Variants in CFAP47 observed in about 807,000 individuals in gnomAD.
The protein encoded by CFAP47 is cilia and flagella associated protein 47.
CFAP47 carries 29 observed loss-of-function variants against 148.1 expected under a neutral mutation model. The observed-to-expected ratio is 0.20, with a 90% CI of 0.15 to 0.27. The LOEUF is 0.27. Among genes scored for constraint, CFAP47 ranks in the 10% least tolerant of loss-of-function variants. The pLI is 1.00. For synonymous variants in CFAP47, 664 were observed against 577.3 expected, an observed-to-expected ratio of 1.15 and a Z score of -2.15; for missense variants, 1,872 against 1,697.5, an observed-to-expected ratio of 1.10 and a Z score of -1.81.
At chrX:36,366,823 A>G in intron 61 of CFAP47, 143 bp from the exon 62 acceptor site, 3 of 321,746 alleles carry the variant, frequency 9.3e-6, no homozygotes, top group Middle Eastern at 7.5e-4. Context: ...AGTCATTTAC[A>G]TTATTTTTAA....
intron 22 of CFAP47, among the ~76,000 whole-genome samples, chrX:36,026,199 T>C (rs896242644): frequency 3.6e-5 from 4 of 111,988 alleles, no homozygotes; most frequent in African/African-American, 1.3e-4. Flanking sequence ...ATGTAGCATT[T>C]CTTCTTCAAG....
intron 62 of CFAP47, among the ~76,000 whole-genome samples, chrX:36,373,231 A>G (rs1422267841): frequency 1.8e-5 from 2 of 111,598 alleles, no homozygotes; most frequent in African/African-American, 6.5e-5. Flanking sequence ...TACAGTTTTC[A>G]GTGTATAAAT....
chrX:36,284,042 G>T (rs1556004075), intron 50 of CFAP47, among the ~76,000 whole-genome samples: 2 of 111,729 alleles, frequency 1.8e-5, no homozygotes, highest in African/African-American at 6.5e-5. Context: ...TACCTAGAAG[G>T]GAAAACACTT....
rs140921995 is a variant in CFAP47, at chrX:36,031,187, A to G, written c.3557-66A>G. 1,827 of 278,151 alleles carry G rather than the reference A, an allele frequency of 6.6e-3. 28 individuals are homozygous for G. The highest frequency in any genetic ancestry group is 0.046 in the African/African-American group (1,649 of 35,859). The allele number at this position is 278,151 out of a possible 1,213,427, so 22.9% of individuals were successfully genotyped here. On this transcript the variant is annotated intron_variant, in intron 22 of 63. Coordinates refer to ENST00000378653, the MANE Select transcript of CFAP47 (RefSeq NM_001304548.2). ...CTTATTGTTTAGTGTTTTAAAGTAT[A>G]CTAAAAAGTACCTATGGGCTTATAT...
intron 57 of CFAP47, among the ~76,000 whole-genome samples, chrX:36,321,126 C>T (rs1273421770): frequency 9.0e-6 from 1 of 111,461 alleles, no homozygotes; most frequent in Non-Finnish European, 1.9e-5. Context: ...TGGAAGTAAC[C>T]TAAGTGTCCA....
At chrX:36,375,622 T>C in intron 62 of CFAP47, among the ~76,000 whole-genome samples, 1 of 112,603 alleles carries the variant, frequency 8.9e-6, no homozygotes. Flanking sequence ...GTGCAGTATT[T>C]TGTTTCTTTG....
chrX:36,053,960 T>C (rs756392256), intron 26 of CFAP47, among the ~76,000 whole-genome samples: 1 of 112,683 alleles, frequency 8.9e-6, no homozygotes, highest in South Asian at 3.7e-4. Context: ...TCTAATATCC[T>C]TCTTTTTCTT....
At position 35,971,959 on chromosome X, in the gene CFAP47, A is replaced by G; in HGVS notation, c.2248A>G (p.Ile750Val). 3 of 1,147,107 alleles carry G rather than the reference A, an allele frequency of 2.6e-6. No individual in the cohort carries two copies. The highest frequency in any genetic ancestry group is 3.6e-6 in the Non-Finnish European group (3 of 844,233). 94.5% of individuals were successfully genotyped at this position (1,147,107 alleles called of 1,213,427 possible). The change falls in exon 13 of 64, where the codon ATT becomes GTT. Residue 750 changes from isoleucine (I) to valine (V), a missense_variant. Coordinates refer to ENST00000378653, the MANE Select transcript of CFAP47 (RefSeq NM_001304548.2). ...MLTPKQIHQV[I>V]VGPSVLNFGN... ...GACACCAAAGCAAATTCATCAAGTAATTGTTGGTGAGAATACACAAAAACC... is the reference window on the plus strand; with the variant it reads ...GACACCAAAGCAAATTCATCAAGTAGTTGTTGGTGAGAATACACAAAAACC...
chrX:36,034,004 C>T (rs1403621222), intron 23 of CFAP47, among the ~76,000 whole-genome samples: 2 of 111,170 alleles, frequency 1.8e-5, no homozygotes, highest in South Asian at 3.7e-4. Context: ...GAGAAATTAA[C>T]ATTAGTACAA....
intron 62 of CFAP47, among the ~76,000 whole-genome samples, chrX:36,376,404 C>T (rs968032439): frequency 1.8e-5 from 2 of 111,535 alleles, no homozygotes; most frequent in South Asian, 3.8e-4. Flanking sequence ...TAAGTCCCAT[C>T]AGCATTCTGA....
chrX:36,065,095 T>A (rs912829144), intron 26 of CFAP47, among the ~76,000 whole-genome samples: 7 of 111,944 alleles, frequency 6.3e-5, no homozygotes, highest in Non-Finnish European at 1.1e-4. Context: ...TGTTCTAAAT[T>A]TCTGAAATCT....
intron 42 of CFAP47, among the ~76,000 whole-genome samples, chrX:36,191,514 G>A (rs1020199625): frequency 8.9e-6 from 1 of 111,793 alleles, no homozygotes; most frequent in Admixed American, 9.5e-5. Context: ...GCTATCAATT[G>A]AGAAACAATG....
intron 42 of CFAP47, among the ~76,000 whole-genome samples, chrX:36,194,788 C>T (rs1236191782): frequency 9.0e-6 from 1 of 111,695 alleles, no homozygotes; most frequent in Non-Finnish European, 1.9e-5. Flanking sequence ...AGAAACCACC[C>T]CCATGATCTA....
chrX:35,925,813 C>T (rs1394316088), intron 1 of CFAP47, among the ~76,000 whole-genome samples: 3 of 111,756 alleles, frequency 2.7e-5, no homozygotes, highest in Admixed American at 1.9e-4. Flanking sequence ...CACACCACCA[C>T]GCCCGGCTAG....
At chrX:35,982,709 T>TA (rs1365313244) in intron 15 of CFAP47, among the ~76,000 whole-genome samples, 4 of 111,734 alleles carry the variant, frequency 3.6e-5, no homozygotes, top group Non-Finnish European at 7.5e-5. Context: ...ATTTGTTGAA[T>TA]AGGGAGTCCT....
At chrX:36,286,856 A>G (rs1941138577) in intron 51 of CFAP47, among the ~76,000 whole-genome samples, 1 of 111,753 alleles carries the variant, frequency 8.9e-6, no homozygotes, top group African/African-American at 3.2e-5. Context: ...CAAAACAAAC[A>G]GAAGTAAATA....
intron 20 of CFAP47, among the ~76,000 whole-genome samples, chrX:36,001,033 G>C (rs889563292): frequency 2.2e-4 from 25 of 111,664 alleles, no homozygotes; most frequent in African/African-American, 7.5e-4. Context: ...GTCTCACAAA[G>C]CTTAAAATAT....
At chrX:35,999,443 C>T (rs1936888769) in intron 19 of CFAP47, among the ~76,000 whole-genome samples, 1 of 111,978 alleles carries the variant, frequency 8.9e-6, no homozygotes, top group South Asian at 3.7e-4. Flanking sequence ...CTCAGATACA[C>T]TTAATAAACA....
chrX:35,975,100 C>T (rs1386432527), intron 13 of CFAP47, 47 bp from the exon 14 acceptor site: 1 of 735,972 alleles, frequency 1.4e-6, no homozygotes, highest in East Asian at 3.6e-5. Flanking sequence ...TAAATGAAGT[C>T]ATTTGCCATC....
Sources: allele counts gnomAD v4.1 joint callset (sites outside exome capture counted in the v4.1 genomes callset), GRCh38; gene constraint gnomAD v4.1.1; transcripts MANE v1.5; gene names NCBI Gene and HGNC (gene_info 2026-07-23, HGNC 2026-07-21).